The following RSF1 variants were observed in gnomAD, a reference collection of about 807,000 sequenced individuals.
RSF1 encodes remodeling and spacing factor 1.
In RSF1, 13 loss-of-function variants were observed where a neutral mutation model predicts 145.2. That is an observed-to-expected ratio of 0.09 (90% CI 0.06 to 0.14). RSF1 has a LOEUF of 0.14. Among genes scored for constraint, RSF1 ranks in the 10% least tolerant of loss-of-function variants. The probability of loss-of-function intolerance (pLI) is 1.00; values close to 1 mark genes in which losing one functional copy is unlikely to be tolerated. For synonymous variants in RSF1, 577 were observed against 592.6 expected (o/e 0.97, Z 0.38); for missense variants, 1,517 against 1,718.2 (o/e 0.88, Z 2.07).
chr11:77,798,181 T>A (rs1019070975), intron 1 of RSF1, among the ~76,000 whole-genome samples: 3 of 152,160 alleles, frequency 2.0e-5, no homozygotes, highest in African/African-American at 7.2e-5. Flanking sequence ...GGATTATAAA[T>A]CATTCTACTA....
At position 77,797,800 on chromosome 11, in the gene RSF1, T is replaced by C. The variant is rs181175611; in HGVS notation, c.187+22728A>G. 2.9e-3 allele frequency among the ~76,000 whole-genome samples: 444 copies of C among 151,784 alleles called. 2 individuals are homozygous for C. The highest frequency in any genetic ancestry group is 6.5e-3 in the Admixed American group (99 of 15,220). On this transcript the variant is annotated intron_variant, in intron 1 of 15. Coordinates refer to ENST00000308488, the MANE Select transcript of RSF1 (RefSeq NM_016578.4). ...CTAATATCCAGAATCTACAACAAAC[T>C]TAAACAAATTTACAAGAAAAAAACA...
At chr11:77,797,083 C>A (rs566096609) in intron 1 of RSF1, among the ~76,000 whole-genome samples, 3 of 152,162 alleles carry the variant, frequency 2.0e-5, no homozygotes, top group Non-Finnish European at 2.9e-5. Flanking sequence ...GGCCATACTG[C>A]CAAAAGTAAT....
intron 7 of RSF1, among the ~76,000 whole-genome samples, chr11:77,696,898 T>C (rs1189472847): frequency 2.6e-5 from 4 of 152,180 alleles, no homozygotes; most frequent in African/African-American, 9.6e-5. Flanking sequence ...AACTACTGGG[T>C]TATGATAAAT....
rs1959365684 is a variant in RSF1, at chr11:77,666,452, T to C, written c.*465A>G. ...CAGACTTGAACTTTTAAATTGTCTG[T>C]AAATCATCATCTATGCCATGAATGT... On this transcript the variant is annotated 3_prime_UTR_variant, in exon 16 of 16. Transcript: ENST00000308488. 2 of 152,630 alleles carry C rather than the reference T, an allele frequency of 1.3e-5. No homozygotes were observed. Among genetic ancestry groups the C allele is most frequent in the Non-Finnish European group, 2.9e-5 (2 of 68,078 alleles). The allele number at this position is 152,630 out of a possible 1,614,324, so 9.5% of individuals were successfully genotyped here.
In RSF1 at chr11:77,813,253, G is replaced by A. The variant is rs910162293; in HGVS notation, c.187+7275C>T. On this transcript the variant is annotated intron_variant, in intron 1 of 15. Transcript: ENST00000308488. ...ACATGAAAGTAGTCTAATGATGAATGGGATCAAGTCTGCCATTTATAATTT... is the reference window on the plus strand; with the variant it reads ...ACATGAAAGTAGTCTAATGATGAATAGGATCAAGTCTGCCATTTATAATTT... 1.8e-4 allele frequency: 109 copies of A among 599,098 alleles called. No individual in the cohort carries two copies. The South Asian group carries it at 2.3e-3, about 13-fold the overall frequency. 37.1% of individuals were successfully genotyped at this position (599,098 alleles called of 1,614,324 possible). A position where few individuals can be genotyped will look rare whatever the true frequency, so the allele number is the denominator to read the frequency against.
At chr11:77,764,280 C>A in intron 2 of RSF1, 1 of 232,566 alleles carries the variant, frequency 4.3e-6, no homozygotes, top group Non-Finnish European at 8.2e-6. Flanking sequence ...TGACAACATC[C>A]CTGAGCCTTA....
Position 77,702,296 on chromosome 11 carries a change from T to A in RSF1, c.933A>T (p.Glu311Asp), listed in dbSNP as rs892390287. ...TGACATTTTCCTTGAAGGAATCACT[T>A]TCTTCTTTGATAATCTTTTTTTCTT... ...ENEEKKIIKE[E>D]SDSFKENVKP... The change falls in exon 6 of 16, where the codon GAA (glutamate) becomes GAT (aspartate). Residue 311 changes from glutamate (E) to aspartate (D), a missense_variant. Physicochemically the swap from Glu to Asp is conservative, Grantham distance 45 (BLOSUM62 2). Transcript: ENST00000308488. The A allele has an allele frequency of 2.0e-5, 32 of 1,609,938 alleles. No homozygotes were observed. The highest frequency in any genetic ancestry group is 2.7e-5 in the Non-Finnish European group (32 of 1,179,100).
At chr11:77,784,330 T>C (rs1948433578) in intron 1 of RSF1, among the ~76,000 whole-genome samples, 1 of 152,242 alleles carries the variant, frequency 6.6e-6, no homozygotes, top group African/African-American at 2.4e-5. Context: ...TTTTAATCTC[T>C]AGAAGTTCTA....
intron 4 of RSF1, among the ~76,000 whole-genome samples, chr11:77,735,968 A>C (rs1961341043): frequency 1.3e-5 from 2 of 152,148 alleles, no homozygotes; most frequent in South Asian, 2.1e-4. Context: ...CGATATCTTG[A>C]CCTCATGATC....
chr11:77,774,573 AAAATAAATAAATAAAT>A (rs59146627), intron 1 of RSF1, among the ~76,000 whole-genome samples: 17,393 of 133,012 alleles, frequency 0.13, 1,291 homozygotes, highest in Admixed American at 0.2. Context: ...TCTGTCTCAA[AAAATAAATAAATAAAT>A]AAATAAATAA....
At chr11:77,824,126 T>C (rs1949065025), upstream of RSF1, among the ~76,000 whole-genome samples, 1 of 152,234 alleles carries the variant, frequency 6.6e-6, no homozygotes, top group Non-Finnish European at 1.5e-5. Context: ...CTTCCTTCAC[T>C]AAAGTCTGTT....
intron 2 of RSF1, chr11:77,763,340 T>TA (rs5792775): frequency 0.49 from 66,172 of 135,878 alleles, 15,818 homozygotes; most frequent in African/African-American, 0.5. Context: ...AGACTGTCTT[T>TA]AAAAAAAAAA....
upstream of RSF1, among the ~76,000 whole-genome samples, chr11:77,823,004 A>T (rs551295334): frequency 6.6e-6 from 1 of 152,274 alleles, no homozygotes; most frequent in East Asian, 1.9e-4. Context: ...TCACGAGGTC[A>T]GGAGATCAAG....
intron 2 of RSF1, among the ~76,000 whole-genome samples, chr11:77,758,060 C>G (rs902447647): frequency 6.6e-6 from 1 of 151,254 alleles, no homozygotes; most frequent in South Asian, 2.1e-4. Flanking sequence ...TCACTCAGAC[C>G]AGGGGACCAA....
At chr11:77,751,538 ACCTGAAGGC>A (rs918125519) in intron 2 of RSF1, among the ~76,000 whole-genome samples, 8 of 152,328 alleles carry the variant, frequency 5.3e-5, no homozygotes, top group Non-Finnish European at 1.0e-4. Context: ...TTTCTGAAGG[ACCTGAAGGC>A]CATTCCTTTG....
At chr11:77,808,496 T>C (rs1219471960) in intron 1 of RSF1, among the ~76,000 whole-genome samples, 2 of 150,850 alleles carry the variant, frequency 1.3e-5, no homozygotes, top group Admixed American at 1.3e-4. Context: ...TTGGTTTCAA[T>C]ATATTTTAGT....
intron 1 of RSF1, among the ~76,000 whole-genome samples, chr11:77,782,895 T>A (rs1948418517): frequency 6.6e-6 from 1 of 152,232 alleles, no homozygotes; most frequent in Non-Finnish European, 1.5e-5. Context: ...AACCCCAAAC[T>A]AAAATTATTT....
chr11:77,702,283 T>C lies in RSF1; in HGVS notation c.946A>G (p.Lys316Glu). 6.2e-7 allele frequency: 1 copy of C among 1,609,462 alleles called. No individual in the cohort carries two copies. Among genetic ancestry groups the C allele is most frequent in the Non-Finnish European group, 8.5e-7 (1 of 1,178,952 alleles). Residue 316 changes from lysine (K) to glutamate (E), a missense_variant, in exon 6 of 16, where the codon AAG (lysine) becomes GAG (glutamate). Physicochemically the swap from Lys to Glu is moderately conservative, Grantham distance 56. Transcript: ENST00000308488. ...ACTTTAATGGGTTTGACATTTTCCT[T>C]GAAGGAATCACTTTCTTCTTTGATA... The part of the protein sequence containing the change: ...KIIKEESDSF[K>E]ENVKPIKVEV...
chr11:77,809,670 G>T (rs1228117053), intron 1 of RSF1, among the ~76,000 whole-genome samples: 1 of 152,152 alleles, frequency 6.6e-6, no homozygotes, highest in Non-Finnish European at 1.5e-5. Context: ...GCTGTAGATG[G>T]TTTATTTATG....
Sources: gnomAD v4.1 joint callset for allele counts (sites outside exome capture counted in the v4.1 genomes callset) on GRCh38, gnomAD v4.1.1 for gene constraint, MANE v1.5 for transcripts, NCBI Gene and HGNC (gene_info 2026-07-23, HGNC 2026-07-21) for gene names.